WDR47: variants seen among roughly 807,000 people sequenced by gnomAD.
WDR47 encodes the protein WD repeat domain 47.
In WDR47, 32 loss-of-function variants were observed where a neutral mutation model predicts 97.2. The ratio of observed to expected loss-of-function variants is 0.33; its 90% CI spans 0.25 to 0.44. The LOEUF is 0.44. WDR47 is among the 20% of genes least tolerant of loss of function. The pLI is 1.00. For synonymous variants in WDR47, 375 were observed against 373.5 expected (o/e 1.00, Z -0.05); for missense variants, 782 against 1,102.3 (o/e 0.71, Z 4.11).
At chr1:109,027,904 C>CAAAT (rs918660224) in intron 1 of WDR47, among the ~76,000 whole-genome samples, 2 of 152,074 alleles carry the variant, frequency 1.3e-5, no homozygotes, top group Non-Finnish European at 2.9e-5. Flanking sequence ...GACCTTATCT[C>CAAAT]AAATAAATAA....
chr1:108,982,836 T>C (rs1008763803), intron 11 of WDR47, 57 bp from the exon 12 acceptor site: 1 of 1,533,514 alleles, frequency 6.5e-7, no homozygotes, highest in Non-Finnish European at 8.8e-7. Context: ...CTGTGATAAC[T>C]TGAGATTGCT....
intron 10 of WDR47, among the ~76,000 whole-genome samples, chr1:108,985,384 A>T (rs1472362002): frequency 3.3e-5 from 5 of 152,154 alleles, no homozygotes; most frequent in African/African-American, 7.2e-5. Context: ...ACTCCTCCTT[A>T]GATCTCAACT....
At chr1:108,971,600 C>T in intron 14 of WDR47, 28 bp from the exon 15 acceptor site, 1 of 1,613,550 alleles carries the variant, frequency 6.2e-7, no homozygotes, top group South Asian at 1.1e-5. Flanking sequence ...TGTTGATTTA[C>T]AATGCAAAAT....
chr1:108,979,231 T>TAAAC (rs943004369), intron 13 of WDR47, among the ~76,000 whole-genome samples: 23 of 151,892 alleles, frequency 1.5e-4, no homozygotes, highest in African/African-American at 5.1e-4. Flanking sequence ...ACTACACAAA[T>TAAAC]AAACAAACAA....
At chr1:109,004,122 AG>A (rs1291568673) in intron 6 of WDR47, among the ~76,000 whole-genome samples, 3 of 151,930 alleles carry the variant, frequency 2.0e-5, no homozygotes, top group Non-Finnish European at 4.4e-5. Flanking sequence ...AAAATCAGCC[AG>A]GTGTGGTGGC....
At chr1:108,981,955 G>T in intron 12 of WDR47, 91 bp from the exon 13 acceptor site, 2 of 1,416,900 alleles carry the variant, frequency 1.4e-6, no homozygotes, top group Non-Finnish European at 1.9e-6. Flanking sequence ...GGGCAAGGTG[G>T]CTCATGCCTA....
chr1:109,033,519 G>T (rs1198801918), intron 1 of WDR47, among the ~76,000 whole-genome samples: 1 of 152,166 alleles, frequency 6.6e-6, no homozygotes. Context: ...ACAGTAAAAT[G>T]AGTTACCCAT....
chr1:109,019,895 G>T (rs763346345), intron 2 of WDR47, among the ~76,000 whole-genome samples: 2 of 152,114 alleles, frequency 1.3e-5, no homozygotes, highest in African/African-American at 2.4e-5. Context: ...TTTTAAATGG[G>T]AAGGATGGGC....
chr1:109,001,616 A>G (rs1441452730), intron 7 of WDR47, among the ~76,000 whole-genome samples: 6 of 152,182 alleles, frequency 3.9e-5, no homozygotes, highest in African/African-American at 1.4e-4. Context: ...AAGGGCCAGC[A>G]CAGTGGCTCA....
intron 1 of WDR47, among the ~76,000 whole-genome samples, chr1:109,029,595 C>CTGGGAGGCAGAGTT (rs373580865): frequency 9.9e-5 from 15 of 151,724 alleles, no homozygotes; most frequent in Middle Eastern, 3.4e-3. Flanking sequence ...TCACTTGAAC[C>CTGGGAGGCAGAGTT]TGGGAGGCAG....
chr1:109,027,128 G>A (rs1295267748), intron 1 of WDR47, among the ~76,000 whole-genome samples: 2 of 151,656 alleles, frequency 1.3e-5, no homozygotes, highest in African/African-American at 4.8e-5. Context: ...AATCTCGGCT[G>A]GCTGCAACCT....
rs1050190446 is a variant in WDR47, at chr1:108,991,029, C to T, written c.1767+225G>A. ...TTTTTTTTTTTAAGACACGAGGTCT[C>T]ACTCTGTTGCCCAGGTTGGAGTGGT... On this transcript the variant is annotated intron_variant, in intron 9 of 14. Coordinates refer to ENST00000369962, the MANE Select transcript of WDR47 (RefSeq NM_001142551.2). 1.1e-4 allele frequency among the ~76,000 whole-genome samples: 16 copies of T among 150,698 alleles called. No individual in the cohort carries two copies. In the South Asian group the frequency reaches 1.3e-3, roughly 12 times the overall value.
At chr1:109,012,581 A>AAAC (rs1553233826) in intron 4 of WDR47, among the ~76,000 whole-genome samples, 1 of 151,068 alleles carries the variant, frequency 6.6e-6, no homozygotes, top group Non-Finnish European at 1.5e-5. Context: ...TCAAAAAAAA[A>AAAC]AAAAAAAAAC....
chr1:108,984,936 TTTC>T (rs1658661736), intron 10 of WDR47, among the ~76,000 whole-genome samples: 2 of 152,008 alleles, frequency 1.3e-5, no homozygotes, highest in African/African-American at 4.8e-5. Context: ...ATAAAAAGAT[TTTC>T]TTTTCAGCTG....
chr1:108,982,960 T>C (rs1226313609), intron 11 of WDR47, among the ~76,000 whole-genome samples, 181 bp from the exon 12 acceptor site: 1 of 152,136 alleles, frequency 6.6e-6, no homozygotes, highest in African/African-American at 2.4e-5. Flanking sequence ...TTTATCAAAA[T>C]AGCTGTTACC....
chr1:109,008,665 T>C (rs1158728678), intron 5 of WDR47, among the ~76,000 whole-genome samples: 3 of 152,058 alleles, frequency 2.0e-5, no homozygotes, highest in Admixed American at 2.0e-4. Flanking sequence ...TGGAGTGCAG[T>C]GGTGCGATCT....
chr1:109,010,878 G>A (rs764465520), intron 5 of WDR47, 38 bp downstream of exon 5: 15 of 1,566,250 alleles, frequency 9.6e-6, no homozygotes, highest in African/African-American at 6.8e-5. Flanking sequence ...CACTGCACCC[G>A]GCCTAAGATT....
chr1:108,992,851 T>G (rs187139838), intron 8 of WDR47: 1 of 1,349,848 alleles, frequency 7.4e-7, no homozygotes, highest in East Asian at 2.3e-5. Flanking sequence ...AGCATTAAAA[T>G]AAATGTAATT....
At chr1:109,015,450 A>G (rs958618823) in intron 3 of WDR47, among the ~76,000 whole-genome samples, 1 of 151,966 alleles carries the variant, frequency 6.6e-6, no homozygotes, top group South Asian at 2.1e-4. Flanking sequence ...CAGCCTCCCA[A>G]GTAGCTGGGA....
Sources: allele counts gnomAD v4.1 joint callset (sites outside exome capture counted in the v4.1 genomes callset), GRCh38; gene constraint gnomAD v4.1.1; transcripts MANE v1.5; gene names NCBI Gene and HGNC (gene_info 2026-07-23, HGNC 2026-07-21).